Variants in SHROOM4 observed in about 807,000 individuals in gnomAD.
SHROOM4 encodes shroom family member 4.
In SHROOM4, 17 loss-of-function variants were observed where a neutral mutation model predicts 80.3. That is an observed-to-expected ratio of 0.21 (90% confidence interval 0.14 to 0.32). The LOEUF (loss-of-function observed/expected upper bound fraction) is 0.32. Among genes scored for constraint, SHROOM4 ranks in the 10% least tolerant of loss-of-function variants. The probability of loss-of-function intolerance (pLI) is 1.00; values close to 1 mark genes in which losing one functional copy is unlikely to be tolerated. For synonymous variants in SHROOM4, 400 were observed against 437.5 expected (o/e 0.91, Z 1.07); for missense variants, 993 against 1,140.3 (o/e 0.87, Z 1.86).
intron 1 of SHROOM4, among the ~76,000 whole-genome samples, chrX:50,748,681 A>G (rs782205241): frequency 3.6e-4 from 40 of 111,402 alleles, no homozygotes; most frequent in African/African-American, 1.3e-3. Flanking sequence ...ACTTTCCAAG[A>G]AAGAACTAGT....
At chrX:50,666,191 T>C (rs970106420) in intron 2 of SHROOM4, among the ~76,000 whole-genome samples, 1 of 111,182 alleles carries the variant, frequency 9.0e-6, no homozygotes, top group Non-Finnish European at 1.9e-5. Context: ...TGGTTTGCTA[T>C]CACTATTGTA....
chrX:50,730,340 T>C (rs1934340146), intron 1 of SHROOM4, among the ~76,000 whole-genome samples: 1 of 110,593 alleles, frequency 9.0e-6, no homozygotes, highest in Non-Finnish European at 1.9e-5. Flanking sequence ...GGCAGGAGAA[T>C]TGCTTGAACC....
Position 50,587,831 on chromosome X carries a change from G to C in SHROOM4, c.*8864C>G, listed in dbSNP as rs1464392377. 1.8e-5 allele frequency among the ~76,000 whole-genome samples: 2 copies of C among 112,092 alleles called. No homozygotes were observed. The highest frequency in any genetic ancestry group is 6.5e-5 in the African/African-American group (2 of 30,914). On this transcript the variant is annotated 3_prime_UTR_variant, in exon 9 of 9. Coordinates refer to ENST00000376020, the MANE Select transcript of SHROOM4 (RefSeq NM_020717.5). ...AAATGCTACCACAATTCTGAATTTT[G>C]ATTAAATAGTGTTTCAAAATCACAG...
At chrX:50,787,567 T>C (rs898586785) in intron 1 of SHROOM4, among the ~76,000 whole-genome samples, 6 of 111,291 alleles carry the variant, frequency 5.4e-5, no homozygotes, top group African/African-American at 1.6e-4. Flanking sequence ...TCAGGCTCAA[T>C]AGATGGCAAA....
intron 2 of SHROOM4, chrX:50,643,491 TCAG>T (rs1356613915): frequency 1.8e-5 from 2 of 111,541 alleles, no homozygotes; most frequent in Non-Finnish European, 3.8e-5. Flanking sequence ...TCCAAGGGGC[TCAG>T]GCACAGTCAG....
At chrX:50,676,098 ATGTGC>A (rs1932851027) in intron 2 of SHROOM4, among the ~76,000 whole-genome samples, 1 of 111,435 alleles carries the variant, frequency 9.0e-6, no homozygotes, top group African/African-American at 3.3e-5. Context: ...CTGTTTCTTC[ATGTGC>A]TGTCTTAATG....
chrX:50,626,216 C>G (rs1246728048), intron 5 of SHROOM4, among the ~76,000 whole-genome samples: 3 of 111,461 alleles, frequency 2.7e-5, no homozygotes, highest in Non-Finnish European at 5.6e-5. Context: ...CTCCAACACA[C>G]CCTGCTTAGT....
chrX:50,638,836 T>A (rs1417566720), intron 2 of SHROOM4, among the ~76,000 whole-genome samples: 2 of 112,772 alleles, frequency 1.8e-5, no homozygotes, highest in Non-Finnish European at 3.7e-5. Context: ...ATGAATCCAA[T>A]ACAGTCTTTG....
At chrX:50,719,501 G>C (rs1276804420) in intron 1 of SHROOM4, among the ~76,000 whole-genome samples, 1 of 111,744 alleles carries the variant, frequency 8.9e-6, no homozygotes, top group African/African-American at 3.3e-5. Context: ...GGTAACTATA[G>C]TTCAGTAACC....
rs782005733 is a variant in SHROOM4, at chrX:50,735,601, A to G, written c.118-39664T>C. Among the ~76,000 whole-genome samples the G allele has an allele frequency of 2.7e-5, 3 of 111,926 alleles. No homozygotes were observed. The East Asian group carries it at 8.4e-4, about 31-fold the overall frequency. The stretch of plus-strand genomic sequence containing the variant: ...GATAGTATCTGGATATGTAAAGAAA[A>G]TTAGAACTCAATGATAAAGAGAAAA... On this transcript the variant is annotated intron_variant, in intron 1 of 8. Transcript: ENST00000376020.
At chrX:50,584,792 C>T (rs1377513696), downstream of SHROOM4, among the ~76,000 whole-genome samples, 2 of 110,372 alleles carry the variant, frequency 1.8e-5, no homozygotes, top group Non-Finnish European at 3.8e-5. Context: ...GAATCAGGTT[C>T]GGGAGGGGAA....
chrX:50,698,136 G>GT (rs1933422385), intron 1 of SHROOM4, among the ~76,000 whole-genome samples: 1 of 112,335 alleles, frequency 8.9e-6, no homozygotes, highest in Admixed American at 9.4e-5. Flanking sequence ...TAAACACTCT[G>GT]TTACAGCAGC....
chrX:50,646,823 T>C (rs1162591690), intron 2 of SHROOM4, among the ~76,000 whole-genome samples: 1 of 108,777 alleles, frequency 9.2e-6, no homozygotes, highest in African/African-American at 3.4e-5. Flanking sequence ...AAACCCAGGG[T>C]AGGGAATAAG....
At chrX:50,620,956 T>A (rs1303246245) in intron 5 of SHROOM4, among the ~76,000 whole-genome samples, 1 of 111,631 alleles carries the variant, frequency 9.0e-6, no homozygotes, top group African/African-American at 3.3e-5. Flanking sequence ...TTCTGTTGCT[T>A]AGCTTTTTAT....
intron 5 of SHROOM4, among the ~76,000 whole-genome samples, chrX:50,625,546 T>C (rs903196683): frequency 8.1e-5 from 9 of 111,599 alleles, no homozygotes; most frequent in African/African-American, 2.6e-4. Flanking sequence ...AGGTTTTTTT[T>C]TCTTCTATTT....
At chrX:50,759,266 G>C (rs1405952174) in intron 1 of SHROOM4, among the ~76,000 whole-genome samples, 2 of 111,755 alleles carry the variant, frequency 1.8e-5, no homozygotes, top group African/African-American at 3.3e-5. Context: ...TGAGACACTA[G>C]ACACATGCAC....
At chrX:50,739,280 C>T (rs1479122124) in intron 1 of SHROOM4, among the ~76,000 whole-genome samples, 3 of 111,128 alleles carry the variant, frequency 2.7e-5, no homozygotes, top group Non-Finnish European at 5.7e-5. Context: ...GGCAAGGACT[C>T]CATGTCTAAA....
rs1405627677 is a variant in SHROOM4, at chrX:50,587,959, G to C, written c.*8736C>G. ...AGTGAAAGTGCTTAACCCAGGGTGG[G>C]AAACTCAATGACATTTAAGTTGACT... On this transcript the variant is annotated 3_prime_UTR_variant, in exon 9 of 9. Coordinates refer to ENST00000376020, the MANE Select transcript of SHROOM4 (RefSeq NM_020717.5). 5.4e-5 allele frequency among the ~76,000 whole-genome samples: 6 copies of C among 112,088 alleles called. No individual in the cohort carries two copies. Among genetic ancestry groups the C allele is most frequent in the Admixed American group, 9.4e-5 (1 of 10,592 alleles).
At chrX:50,582,902 G>T (rs1237420278), downstream of SHROOM4, among the ~76,000 whole-genome samples, 2 of 110,428 alleles carry the variant, frequency 1.8e-5, no homozygotes, top group Admixed American at 9.8e-5. Context: ...CTACCAATCT[G>T]CTTCCATATT....
Sources: gnomAD v4.1 joint callset for allele counts (sites outside exome capture counted in the v4.1 genomes callset) on GRCh38, gnomAD v4.1.1 for gene constraint, MANE v1.5 for transcripts, NCBI Gene and HGNC (gene_info 2026-07-23, HGNC 2026-07-21) for gene names.